The following BPGM variants were observed in gnomAD, a reference collection of about 807,000 sequenced individuals.
BPGM encodes the protein 2,3-bisphosphoglycerate mutase, erythrocyte.
In BPGM, 15 loss-of-function variants were observed where a neutral mutation model predicts 21.6. That is an observed-to-expected ratio of 0.70 (90% CI 0.47 to 1.07). BPGM has a LOEUF of 1.07. BPGM is among the 50% of genes least tolerant of loss of function. BPGM has a pLI of 0.00. For missense variants in BPGM, 273 were observed against 319.0 expected, an observed-to-expected ratio of 0.86 and a Z score of 1.10; for synonymous variants, 113 against 116.2, an observed-to-expected ratio of 0.97 and a Z score of 0.18.
chr7:134,675,374 C>T (rs904708284), intron 2 of BPGM, among the ~76,000 whole-genome samples: 1 of 151,932 alleles, frequency 6.6e-6, no homozygotes, highest in African/African-American at 2.4e-5. Flanking sequence ...AAAATTTTTA[C>T]AATTTTAGCT....
intron 2 of BPGM, among the ~76,000 whole-genome samples, chr7:134,677,882 C>T (rs555204407): frequency 1.3e-5 from 2 of 152,192 alleles, no homozygotes; most frequent in Non-Finnish European, 2.9e-5. Context: ...ACAGTGGGTA[C>T]AGACCCCTAG....
intron 1 of BPGM, among the ~76,000 whole-genome samples, chr7:134,659,181 T>C (rs1795689639): frequency 6.6e-6 from 1 of 152,176 alleles, no homozygotes; most frequent in Non-Finnish European, 1.5e-5. Context: ...AGAGGAACAG[T>C]TGATAGCTTC....
chr7:134,648,188 T>G (rs901898158), intron 1 of BPGM, among the ~76,000 whole-genome samples: 20 of 148,914 alleles, frequency 1.3e-4, no homozygotes, highest in Admixed American at 1.3e-3. Context: ...CAGGCTGGAG[T>G]GCAATGGCGC....
intron 2 of BPGM, among the ~76,000 whole-genome samples, chr7:134,666,052 A>T (rs1162423257): frequency 6.6e-6 from 1 of 151,688 alleles, no homozygotes. Flanking sequence ...TAATTTTTGT[A>T]ATTTTTTAGT....
intron 2 of BPGM, among the ~76,000 whole-genome samples, chr7:134,666,142 A>G (rs1585861866): frequency 6.6e-6 from 1 of 152,238 alleles, no homozygotes; most frequent in East Asian, 1.9e-4. Flanking sequence ...AACCTCCCAA[A>G]GTCTGGGATT....
At chr7:134,656,374 T>TA (rs1192160347) in intron 1 of BPGM, among the ~76,000 whole-genome samples, 1 of 152,224 alleles carries the variant, frequency 6.6e-6, no homozygotes. Flanking sequence ...AAAAAGAATG[T>TA]AAATTGCCTT....
At chr7:134,666,637 A>G (rs916351607) in intron 2 of BPGM, among the ~76,000 whole-genome samples, 12 of 152,194 alleles carry the variant, frequency 7.9e-5, no homozygotes, top group South Asian at 2.1e-4. Context: ...TGGTACTCCA[A>G]TTAACACTAA....
At chr7:134,668,548 T>C (rs1341784372) in intron 2 of BPGM, among the ~76,000 whole-genome samples, 1 of 152,210 alleles carries the variant, frequency 6.6e-6, no homozygotes, top group Non-Finnish European at 1.5e-5. Flanking sequence ...GCATACTGCA[T>C]GCCAAGCACA....
chr7:134,648,139 T>G (rs1198178588), intron 1 of BPGM, among the ~76,000 whole-genome samples: 3 of 148,710 alleles, frequency 2.0e-5, no homozygotes, highest in African/African-American at 7.6e-5. Flanking sequence ...TTGGTTTTTT[T>G]TTTGTTTTGT....
intron 2 of BPGM, among the ~76,000 whole-genome samples, chr7:134,668,577 A>C (rs1354681487): frequency 1.3e-5 from 2 of 152,220 alleles, no homozygotes; most frequent in African/African-American, 4.8e-5. Flanking sequence ...CATTTTACGT[A>C]CACATGTTGT....
chr7:134,660,091 C>A (rs959872058), intron 1 of BPGM, among the ~76,000 whole-genome samples: 2 of 152,168 alleles, frequency 1.3e-5, no homozygotes, highest in East Asian at 1.9e-4. Context: ...AATTTGATTT[C>A]TTTCCTTAAG....
chr7:134,666,567 G>A (rs972666885), intron 2 of BPGM, among the ~76,000 whole-genome samples: 2 of 152,194 alleles, frequency 1.3e-5, no homozygotes, highest in Admixed American at 6.5e-5. Flanking sequence ...TTGTAATCTT[G>A]ATTCTCACCC....
At chr7:134,666,526 G>A (rs1466155857) in intron 2 of BPGM, among the ~76,000 whole-genome samples, 3 of 152,136 alleles carry the variant, frequency 2.0e-5, no homozygotes, top group African/African-American at 4.8e-5. Flanking sequence ...GTGAGGATCC[G>A]GATTTGTCCA....
chr7:134,663,060 C>T (rs1365998985), intron 2 of BPGM, among the ~76,000 whole-genome samples: 2 of 152,206 alleles, frequency 1.3e-5, no homozygotes, highest in Non-Finnish European at 2.9e-5. Flanking sequence ...CCTTTCATCA[C>T]TGTCAGCAGT....
chr7:134,663,366 A>ATGTG lies in BPGM; in HGVS notation c.601+1259_601+1260insGTGT, dbSNP rs937900039. Among the ~76,000 whole-genome samples, 7 of 103,072 alleles carry ATGTG rather than the reference A, an allele frequency of 6.8e-5. No homozygotes were observed. In the South Asian group the frequency reaches 2.2e-3, roughly 33 times the overall value. The allele number at this position is 103,072 out of a possible 152,430, so 67.6% of individuals were successfully genotyped here. On this transcript the variant is annotated intron_variant, in intron 2 of 2. Coordinates refer to ENST00000344924, the MANE Select transcript of BPGM (RefSeq NM_001724.5). The stretch of plus-strand genomic sequence containing the variant: ...TTTTATTGGCTAGACATGGCACTTG[A>ATGTG]TATGTGTGTGTGTGTGTGTTTGTGT...
chr7:134,674,670 G>A (rs1795960160), intron 2 of BPGM, among the ~76,000 whole-genome samples: 1 of 152,156 alleles, frequency 6.6e-6, no homozygotes, highest in South Asian at 2.1e-4. Flanking sequence ...ATTAGTTAAT[G>A]GACATTTGTG....
chr7:134,663,356 A>AC (rs1795765665), intron 2 of BPGM, among the ~76,000 whole-genome samples: 2 of 141,108 alleles, frequency 1.4e-5, no homozygotes, highest in Non-Finnish European at 3.0e-5. Context: ...TTGGCTAGAC[A>AC]TGGCACTTGA....
At chr7:134,672,910 C>T (rs1244802007) in intron 2 of BPGM, among the ~76,000 whole-genome samples, 2 of 152,186 alleles carry the variant, frequency 1.3e-5, no homozygotes. Context: ...CGCGGTGGCT[C>T]ACACCTGTAA....
chr7:134,672,253 A>T (rs1795916178), intron 2 of BPGM, among the ~76,000 whole-genome samples: 1 of 151,066 alleles, frequency 6.6e-6, no homozygotes, highest in Non-Finnish European at 1.5e-5. Context: ...GACTTTAAGT[A>T]TTTAACACAG....
Sources: gnomAD v4.1 joint callset for allele counts (sites outside exome capture counted in the v4.1 genomes callset) on GRCh38, gnomAD v4.1.1 for gene constraint, MANE v1.5 for transcripts, NCBI Gene and HGNC (gene_info 2026-07-23, HGNC 2026-07-21) for gene names.